KCNB2: variants seen among roughly 807,000 people sequenced by gnomAD.
KCNB2 encodes the protein delayed rectifier potassium channel protein.
In KCNB2, 15 loss-of-function variants were observed where a neutral mutation model predicts 61.5. That is an observed-to-expected ratio of 0.24 (90% CI 0.16 to 0.38). The LOEUF (loss-of-function observed/expected upper bound fraction) is 0.38. Ranked by LOEUF, KCNB2 falls within the 10% of genes least tolerant of loss-of-function variation. The probability of loss-of-function intolerance (pLI) is 1.00; values close to 1 mark genes in which losing one functional copy is unlikely to be tolerated. For missense variants in KCNB2, 828 were observed against 1,125.2 expected (o/e 0.74, Z 3.78); for synonymous variants, 457 against 446.0 (o/e 1.02, Z -0.31).
chr8:72,916,852 G>A (rs1392409134), intron 2 of KCNB2, among the ~76,000 whole-genome samples: 1 of 152,196 alleles, frequency 6.6e-6, no homozygotes, highest in African/African-American at 2.4e-5. Context: ...CTGAAGTCAA[G>A]CTGCTTCTCT....
intron 2 of KCNB2, among the ~76,000 whole-genome samples, chr8:72,919,172 G>C (rs1304851003): frequency 1.3e-5 from 2 of 152,192 alleles, no homozygotes; most frequent in African/African-American, 4.8e-5. Context: ...ATAGCATTAA[G>C]GTGTTTCTAT....
At chr8:72,770,238 G>T (rs928789862) in intron 2 of KCNB2, among the ~76,000 whole-genome samples, 1 of 152,162 alleles carries the variant, frequency 6.6e-6, no homozygotes, top group Non-Finnish European at 1.5e-5. Flanking sequence ...TTGTGCAGAT[G>T]GAGTCAGCAC....
At chr8:72,750,071 T>C (rs1808162489) in intron 2 of KCNB2, among the ~76,000 whole-genome samples, 1 of 151,900 alleles carries the variant, frequency 6.6e-6, no homozygotes, top group African/African-American at 2.4e-5. Context: ...TCCTTAGCTG[T>C]GCTTCTTGTT....
chr8:72,606,533 A>C (rs1426256285), intron 2 of KCNB2, among the ~76,000 whole-genome samples: 2 of 152,190 alleles, frequency 1.3e-5, no homozygotes, highest in Non-Finnish European at 2.9e-5. Flanking sequence ...TTATTTCACC[A>C]TCAGAAACAA....
chr8:72,826,822 TAACTTCC>T (rs1809603532), intron 2 of KCNB2, among the ~76,000 whole-genome samples: 1 of 152,256 alleles, frequency 6.6e-6, no homozygotes, highest in Non-Finnish European at 1.5e-5. Flanking sequence ...CTCTCAGGTA[TAACTTCC>T]AAATATGTTG....
In KCNB2 at chr8:72,886,717, G is replaced by A. The variant is rs771365005; in HGVS notation, c.580-49218G>A. ...CCCCTGATGCTGCCCTGGCAATGAC[G>A]TTCACAGTCCAGACTCTTTCAGCCA... is the stretch of plus-strand genomic sequence containing the variant. On this transcript the variant is annotated intron_variant, in intron 2 of 2. Transcript: ENST00000523207. Among the ~76,000 whole-genome samples the A allele has an allele frequency of 2.1e-3, 325 of 152,320 alleles. 6 individuals are homozygous for A. The highest frequency in any genetic ancestry group is 1.1e-3 in the Non-Finnish European group (78 of 68,024).
chr8:72,936,758 C>T lies in KCNB2; in HGVS notation c.1403C>T (p.Ala468Val), dbSNP rs1223133474. ...CGAAGTATGGAACTGATAGATGTGG[C>T]TGTTGAGAAGGCCGGAGAGTCCGCC... The part of the protein sequence containing the change: ...FARSMELIDV[A>V]VEKAGESANT... The change falls in exon 3 of 3, where the codon GCT (alanine) becomes GTT (valine). Residue 468 changes from alanine to valine, a missense_variant. Around this residue, in one of 4 missense-constraint regions of KCNB2, gnomAD observed 559 missense variants for 588.4 expected, o/e 0.95. Coordinates refer to ENST00000523207, the MANE Select transcript of KCNB2 (RefSeq NM_004770.3). The surrounding 1 kb of genome is among the most constrained non-coding windows in gnomAD (Gnocchi z 5.6). 3 of 1,614,168 alleles carry T rather than the reference C, an allele frequency of 1.9e-6. No individual in the cohort carries two copies. In the Admixed American group the frequency reaches 5.0e-5, roughly 27 times the overall value.
chr8:72,579,729 A>G (rs1221287285), intron 2 of KCNB2, among the ~76,000 whole-genome samples: 2 of 152,218 alleles, frequency 1.3e-5, no homozygotes, highest in Non-Finnish European at 2.9e-5. Flanking sequence ...AGATGCTTTC[A>G]CAAGGCTGTA....
intron 2 of KCNB2, among the ~76,000 whole-genome samples, chr8:72,586,851 T>C (rs1397424096): frequency 2.0e-5 from 3 of 152,330 alleles, no homozygotes; most frequent in Non-Finnish European, 4.4e-5. Context: ...CCTCCAGTCC[T>C]AGGACCTGGG....
intron 2 of KCNB2, among the ~76,000 whole-genome samples, chr8:72,779,256 T>C (rs1163568148): frequency 6.6e-6 from 1 of 152,234 alleles, no homozygotes; most frequent in Non-Finnish European, 1.5e-5. Flanking sequence ...CTCTATCCTA[T>C]GGTGCAGTCG....
At chr8:72,621,658 C>T (rs1217433598) in intron 2 of KCNB2, among the ~76,000 whole-genome samples, 1 of 152,100 alleles carries the variant, frequency 6.6e-6, no homozygotes, top group Non-Finnish European at 1.5e-5. Context: ...ATGGGCTATC[C>T]ATCCCCTTGA....
chr8:72,787,039 T>C (rs989987646), intron 2 of KCNB2, among the ~76,000 whole-genome samples: 1 of 152,186 alleles, frequency 6.6e-6, no homozygotes, highest in African/African-American at 2.4e-5. Context: ...GATAAAGTAC[T>C]CATCATTTTT....
chr8:72,917,289 A>G (rs1806418910), intron 2 of KCNB2, among the ~76,000 whole-genome samples: 1 of 152,220 alleles, frequency 6.6e-6, no homozygotes, highest in Admixed American at 6.5e-5. Context: ...ATTTAGCACC[A>G]AATAAACTTC....
chr8:72,786,803 G>A (rs1265308238), intron 2 of KCNB2, among the ~76,000 whole-genome samples: 5 of 152,148 alleles, frequency 3.3e-5, no homozygotes, highest in Non-Finnish European at 7.4e-5. Flanking sequence ...TAATAAAAAT[G>A]GGTGAGAATA....
chr8:72,601,621 T>C (rs1364488171), intron 2 of KCNB2, among the ~76,000 whole-genome samples: 1 of 152,222 alleles, frequency 6.6e-6, no homozygotes, highest in East Asian at 1.9e-4. Flanking sequence ...TACAACTTGA[T>C]TGATGACTGA....
intron 2 of KCNB2, among the ~76,000 whole-genome samples, chr8:72,636,746 G>T (rs943543859): frequency 2.0e-5 from 3 of 152,062 alleles, no homozygotes; most frequent in African/African-American, 4.8e-5. Context: ...AAATCTTATG[G>T]TCTCTTAGAG....
intron 2 of KCNB2, among the ~76,000 whole-genome samples, chr8:72,853,107 G>A (rs1810148488): frequency 6.6e-6 from 1 of 152,126 alleles, no homozygotes; most frequent in South Asian, 2.1e-4. Context: ...TGTTATCTTG[G>A]ACAGCCACTT....
intron 2 of KCNB2, among the ~76,000 whole-genome samples, chr8:72,790,553 G>A (rs947582299): frequency 6.6e-6 from 1 of 152,090 alleles, no homozygotes; most frequent in Non-Finnish European, 1.5e-5. Context: ...GGAAATGCAG[G>A]CCTTGAGAAA....
At chr8:72,680,705 A>C (rs1175256013) in intron 2 of KCNB2, among the ~76,000 whole-genome samples, 2 of 152,166 alleles carry the variant, frequency 1.3e-5, no homozygotes, top group Non-Finnish European at 2.9e-5. Context: ...GACTAATGAG[A>C]TAAAATACAA....
Sources: allele counts gnomAD v4.1 joint callset (sites outside exome capture counted in the v4.1 genomes callset), GRCh38; gene constraint gnomAD v4.1.1; regional missense constraint gnomAD v4.1.1; non-coding constraint Gnocchi (gnomAD v3.1); transcripts MANE v1.5; gene names NCBI Gene and HGNC (gene_info 2026-07-23, HGNC 2026-07-21).